Variants in WWOX observed in about 807,000 individuals in gnomAD.
WWOX encodes WW domain containing oxidoreductase.
A neutral mutation model predicts 46.2 loss-of-function variants in WWOX; 69 were observed. The observed-to-expected ratio is 1.49, with a 90% CI of 1.23 to 1.82. The LOEUF (loss-of-function observed/expected upper bound fraction) is 1.82, where lower values mean the gene tolerates loss of function less well. WWOX is among the 40% of genes most tolerant of loss of function. WWOX has a pLI of 0.00. For synonymous variants in WWOX, 359 were observed against 202.6 expected (o/e 1.77, Z -6.56); for missense variants, 919 against 542.6 (o/e 1.69, Z -6.89).
chr16:78,832,165 T>G (rs957045945), intron 8 of WWOX, among the ~76,000 whole-genome samples: 1 of 152,158 alleles, frequency 6.6e-6, no homozygotes, highest in Non-Finnish European at 1.5e-5. Context: ...GGGGCTGCAG[T>G]CTCAGAATCC....
chr16:78,986,087 C>G (rs938646747), intron 8 of WWOX, among the ~76,000 whole-genome samples: 1 of 152,176 alleles, frequency 6.6e-6, no homozygotes, highest in African/African-American at 2.4e-5. Flanking sequence ...GTGGGAATGT[C>G]AAGATGAACC....
chr16:78,487,828 T>G (rs2084677182), intron 8 of WWOX, among the ~76,000 whole-genome samples: 1 of 152,132 alleles, frequency 6.6e-6, no homozygotes, highest in East Asian at 1.9e-4. Context: ...TCCTTTTCTC[T>G]GGCTTCCAGG....
intron 8 of WWOX, among the ~76,000 whole-genome samples, chr16:78,936,118 A>G (rs1262695690): frequency 6.6e-6 from 1 of 152,060 alleles, no homozygotes; most frequent in Non-Finnish European, 1.5e-5. Flanking sequence ...GGAGGTAATG[A>G]TGAGTTTTGG....
intron 8 of WWOX, among the ~76,000 whole-genome samples, chr16:79,064,630 C>G (rs148323848): frequency 2.0e-5 from 3 of 152,112 alleles, no homozygotes; most frequent in Non-Finnish European, 4.4e-5. Context: ...GTTATTTAGC[C>G]GTCCATCCGG....
intron 8 of WWOX, among the ~76,000 whole-genome samples, chr16:78,783,685 T>C (rs1468215616): frequency 6.6e-6 from 1 of 151,114 alleles, no homozygotes; most frequent in Non-Finnish European, 1.5e-5. Flanking sequence ...AATAAAAGTA[T>C]GATGATGATG....
chr16:79,057,871 C>T (rs2048291685), intron 8 of WWOX, among the ~76,000 whole-genome samples: 1 of 152,156 alleles, frequency 6.6e-6, no homozygotes, highest in South Asian at 2.1e-4. Flanking sequence ...GAATTATTTC[C>T]ATATCCATAA....
chr16:79,086,546 C>G (rs1177599373), intron 8 of WWOX, among the ~76,000 whole-genome samples: 1 of 152,152 alleles, frequency 6.6e-6, no homozygotes, highest in Non-Finnish European at 1.5e-5. Context: ...ATGCTTCTCT[C>G]CCTCTGGAGT....
chr16:78,437,791 C>T (rs2083365712), intron 8 of WWOX, among the ~76,000 whole-genome samples: 1 of 152,164 alleles, frequency 6.6e-6, no homozygotes, highest in Non-Finnish European at 1.5e-5. Context: ...TGAGTACTTT[C>T]TAATAATGAA....
chr16:78,459,978 G>T (rs1185209593), intron 8 of WWOX, among the ~76,000 whole-genome samples: 1 of 151,048 alleles, frequency 6.6e-6, no homozygotes, highest in South Asian at 2.1e-4. Flanking sequence ...CTAATTTTTT[G>T]TATTATTTAT....
chr16:78,142,059 A>G (rs2034008018), intron 4 of WWOX, among the ~76,000 whole-genome samples: 1 of 150,250 alleles, frequency 6.7e-6, no homozygotes, highest in Non-Finnish European at 1.5e-5. Flanking sequence ...CTCATAACAG[A>G]TTTGATTTTC....
chr16:78,670,338 C>G (rs999655652), intron 8 of WWOX, among the ~76,000 whole-genome samples: 3 of 152,170 alleles, frequency 2.0e-5, no homozygotes, highest in Non-Finnish European at 4.4e-5. Context: ...AAACACCTTT[C>G]CAAGCTCCCC....
At chr16:78,151,509 C>A (rs1263568497) in intron 4 of WWOX, among the ~76,000 whole-genome samples, 2 of 152,146 alleles carry the variant, frequency 1.3e-5, no homozygotes, top group Admixed American at 6.5e-5. Flanking sequence ...GGTACCCAGC[C>A]AAGAGTAACA....
At chr16:79,046,790 C>T (rs564554317) in intron 8 of WWOX, among the ~76,000 whole-genome samples, 1 of 152,146 alleles carries the variant, frequency 6.6e-6, no homozygotes, top group African/African-American at 2.4e-5. Context: ...TCACCCTGCT[C>T]TCTTTGTCCC....
chr16:79,181,335 C>A (rs1388633030), intron 8 of WWOX, among the ~76,000 whole-genome samples: 1 of 152,134 alleles, frequency 6.6e-6, no homozygotes, highest in African/African-American at 2.4e-5. Flanking sequence ...TCAATCATTC[C>A]TCTGTTTATG....
chr16:78,918,179 C>A (rs997410352), intron 8 of WWOX, among the ~76,000 whole-genome samples: 11 of 152,038 alleles, frequency 7.2e-5, no homozygotes, highest in African/African-American at 2.2e-4. Flanking sequence ...GCTGTGATTG[C>A]ACCAGCCTGG....
At chr16:78,982,378 C>T (rs996684247) in intron 8 of WWOX, among the ~76,000 whole-genome samples, 1 of 152,194 alleles carries the variant, frequency 6.6e-6, no homozygotes, top group Admixed American at 6.5e-5. Context: ...GTACAGCGTG[C>T]CATTGCCAGA....
At chr16:78,737,351 G>C (rs2049115599) in intron 8 of WWOX, among the ~76,000 whole-genome samples, 1 of 148,900 alleles carries the variant, frequency 6.7e-6, no homozygotes, top group Non-Finnish European at 1.5e-5. Flanking sequence ...GATCAGGCTG[G>C]TCTCGAACTT....
chr16:78,422,710 TAC>T (rs1245741444), intron 6 of WWOX, among the ~76,000 whole-genome samples: 29 of 83,876 alleles, frequency 3.5e-4, no homozygotes, highest in East Asian at 1.6e-3. Context: ...CATATATATA[TAC>T]ACACACACAT....
At chr16:78,497,672 AC>A (rs1159312096) in intron 8 of WWOX, among the ~76,000 whole-genome samples, 2 of 152,190 alleles carry the variant, frequency 1.3e-5, no homozygotes, top group Non-Finnish European at 2.9e-5. Flanking sequence ...TTGAATAAAT[AC>A]TTGTTTGATT....
Sources: allele counts gnomAD v4.1 joint callset (sites outside exome capture counted in the v4.1 genomes callset), GRCh38; gene constraint gnomAD v4.1.1; transcripts MANE v1.5; gene names NCBI Gene and HGNC (gene_info 2026-07-23, HGNC 2026-07-21).